The following RNF146 variants were observed in gnomAD, a reference collection of about 807,000 sequenced individuals.
RNF146 encodes the protein ring finger protein 146, also known as E3 ubiquitin-protein ligase RNF146.
Under a neutral mutation model 29.7 loss-of-function variants are expected in RNF146, and 11 were observed. The ratio of observed to expected loss-of-function variants is 0.37; its 90% confidence interval spans 0.23 to 0.61. The LOEUF is 0.61. RNF146 is among the 20% of genes least tolerant of loss of function. The pLI is 0.66. For synonymous variants in RNF146, 150 were observed against 159.7 expected, an observed-to-expected ratio of 0.94 and a Z score of 0.46; for missense variants, 342 against 438.9, an observed-to-expected ratio of 0.78 and a Z score of 1.97.
intron 1 of RNF146, among the ~76,000 whole-genome samples, chr6:127,279,964 A>G (rs1341800317): frequency 6.6e-6 from 1 of 151,714 alleles, no homozygotes; most frequent in East Asian, 1.9e-4. Flanking sequence ...TTTGTTTATT[A>G]GCTTTCTTGG....
At position 127,287,221 on chromosome 6, in the gene RNF146, G is replaced by T. The variant is rs1779634162; in HGVS notation, c.608G>T (p.Ser203Ile). The change falls in exon 3 of 3, where the codon AGT (serine) becomes ATT (isoleucine). Residue 203 changes from serine to isoleucine, a missense_variant. This residue lies in a region of RNF146 where 196 missense variants were observed against 208.9 expected (regional missense o/e 0.94). Transcript: ENST00000368314. ...GAGAGCTCTGCTGACGGAGCGGACA[G>T]TGTATCAGCACAGAGTGGAGCTTCT... Reference protein sequence around the residue: ...ARESSADGADSVSAQSGASVQ... With the variant: ...ARESSADGADIVSAQSGASVQ... 6.2e-7 allele frequency: 1 copy of T among 1,613,316 alleles called. No individual in the cohort carries two copies. The highest frequency in any genetic ancestry group is 1.7e-5 in the Admixed American group (1 of 59,862).
chr6:127,277,643 A>G (rs1778402933), intron 1 of RNF146, among the ~76,000 whole-genome samples: 1 of 152,042 alleles, frequency 6.6e-6, no homozygotes, highest in Non-Finnish European at 1.5e-5. Context: ...GTACAGGAGA[A>G]AGATGTAGGC....
chr6:127,275,589 A>G (rs1778092326), intron 1 of RNF146, among the ~76,000 whole-genome samples: 1 of 152,150 alleles, frequency 6.6e-6, no homozygotes, highest in Non-Finnish European at 1.5e-5. Flanking sequence ...ATTTCACAGA[A>G]GAGTCAGACT....
At chr6:127,269,244 G>T (rs1485923786) in intron 1 of RNF146, among the ~76,000 whole-genome samples, 1 of 152,182 alleles carries the variant, frequency 6.6e-6, no homozygotes, top group Non-Finnish European at 1.5e-5. Flanking sequence ...TTAACGGACT[G>T]CTAATTAAAG....
At chr6:127,285,386 G>A (rs747147600) in intron 2 of RNF146, 86 of 970,554 alleles carry the variant, frequency 8.9e-5, no homozygotes, top group Admixed American at 6.2e-4. Context: ...TGTAACTACT[G>A]ACCCATTTAG....
In RNF146 at chr6:127,286,428, G is replaced by A; in HGVS notation, c.3-188G>A. On this transcript the variant is annotated intron_variant, in intron 2 of 2. Transcript: ENST00000368314. This position sits in a 1 kb window ranked among gnomAD's most constrained non-coding sequence, Gnocchi z 4.6. ...TTATACATTCCCAAGGTATGTACAA[G>A]TAGATGCTTACAAAAAATTTTCATC... The A allele has an allele frequency of 1.4e-6, 1 of 699,228 alleles. No individual in the cohort carries two copies. The highest frequency in any genetic ancestry group is 2.3e-6 in the Non-Finnish European group (1 of 435,248). 43.3% of individuals were successfully genotyped at this position (699,228 alleles called of 1,614,324 possible).
At chr6:127,272,007 A>G (rs1055898669) in intron 1 of RNF146, among the ~76,000 whole-genome samples, 3 of 152,170 alleles carry the variant, frequency 2.0e-5, no homozygotes, top group African/African-American at 7.2e-5. Context: ...GGCTTGCATC[A>G]TATTTCTATT....
chr6:127,286,903 C>G lies in RNF146; in HGVS notation c.290C>G (p.Ala97Gly). 3.1e-6 allele frequency: 5 copies of G among 1,613,114 alleles called. No individual in the cohort carries two copies. Among genetic ancestry groups the G allele is most frequent in the Non-Finnish European group, 4.2e-6 (5 of 1,179,552 alleles). ...TLLSPEELKA[A>G]SRGNGEYAWY... ...TTGTCACCAGAAGAACTCAAGGCAG[C>G]AAGTAGAGGAAATGGTGAATATGCA... Residue 97 changes from alanine (A) to glycine (G), a missense_variant, in exon 3 of 3, where the codon GCA (alanine) becomes GGA (glycine). Transcript: ENST00000368314. The surrounding 1 kb of genome is among the most constrained non-coding windows in gnomAD (Gnocchi z 4.6).
Position 127,269,188 on chromosome 6 carries a change from T to A in RNF146, c.-109+2263T>A, listed in dbSNP as rs1347110606. ...TGCTTACTTACGGACTATCTTTAGT[T>A]TTCATGGCGTGTTACCTTTTGGGTT... On this transcript the variant is annotated intron_variant, in intron 1 of 2. Coordinates refer to ENST00000368314, the MANE Select transcript of RNF146 (RefSeq NM_001242850.2). Among the ~76,000 whole-genome samples the A allele has an allele frequency of 2.0e-5, 3 of 152,214 alleles. No individual in the cohort carries two copies. The East Asian group carries it at 5.8e-4, about 29-fold the overall frequency.
rs1247973176 is a variant in RNF146 at position 127,287,097 on chromosome 6, C to T, written c.484C>T (p.Arg162Cys). ...TCAATATAGGAGAAATGAACATGGA[C>T]GTCGCAGGAAGATTAAGCGAGATAT... The part of the protein sequence containing the change: ...MVQYRRNEHG[R>C]RRKIKRDIID... Residue 162 changes from arginine to cysteine, a missense_variant, in exon 3 of 3, where the codon CGT becomes TGT. Around this residue, in one of 6 missense-constraint regions of RNF146, gnomAD observed 28 missense variants for 40.7 expected, o/e 0.69. Transcript: ENST00000368314. 1.2e-5 allele frequency: 20 copies of T among 1,613,038 alleles called. No homozygotes were observed. Among genetic ancestry groups the T allele is most frequent in the African/African-American group, 4.0e-5 (3 of 74,796 alleles).
At chr6:127,274,172 A>G (rs1777876108) in intron 1 of RNF146, among the ~76,000 whole-genome samples, 1 of 151,506 alleles carries the variant, frequency 6.6e-6, no homozygotes, top group African/African-American at 2.4e-5. Context: ...AATTAACCAG[A>G]TTTTTTTTTA....
chr6:127,273,288 A>G (rs1248057247), intron 1 of RNF146, among the ~76,000 whole-genome samples: 1 of 152,210 alleles, frequency 6.6e-6, no homozygotes, highest in African/African-American at 2.4e-5. Context: ...TATGTACTAC[A>G]ATTAATTTTA....
At chr6:127,269,574 C>G (rs558718833) in intron 1 of RNF146, among the ~76,000 whole-genome samples, 1 of 152,140 alleles carries the variant, frequency 6.6e-6, no homozygotes, top group Non-Finnish European at 1.5e-5. Context: ...GGAAATAATT[C>G]TTTAAAGTAT....
At chr6:127,271,814 C>T (rs1380646238) in intron 1 of RNF146, among the ~76,000 whole-genome samples, 1 of 151,984 alleles carries the variant, frequency 6.6e-6, no homozygotes, top group Non-Finnish European at 1.5e-5. Flanking sequence ...CTGTTTCTTT[C>T]TATTATTATT....
At chr6:127,267,324 C>T (rs1205789661) in intron 1 of RNF146, among the ~76,000 whole-genome samples, 1 of 152,186 alleles carries the variant, frequency 6.6e-6, no homozygotes, top group African/African-American at 2.4e-5. Context: ...ACTGCGCAGC[C>T]TCTTCCGCCT....
At chr6:127,272,806 C>G (rs1052251899) in intron 1 of RNF146, among the ~76,000 whole-genome samples, 1 of 152,198 alleles carries the variant, frequency 6.6e-6, no homozygotes, top group Non-Finnish European at 1.5e-5. Flanking sequence ...TAAGTTTTGA[C>G]TTCCCCAAAA....
At chr6:127,281,684 C>G (rs1185728754) in intron 2 of RNF146, among the ~76,000 whole-genome samples, 1 of 151,528 alleles carries the variant, frequency 6.6e-6, no homozygotes, top group Non-Finnish European at 1.5e-5. Flanking sequence ...AAAATAAGTG[C>G]AGGGAGTGAA....
Position 127,278,718 on chromosome 6 carries a change from A to G in RNF146, c.-108-1513A>G, listed in dbSNP as rs565380872. Among the ~76,000 whole-genome samples the G allele has an allele frequency of 4.5e-4, 68 of 152,088 alleles. 1 individual carries two copies. In the South Asian group the frequency reaches 0.014, roughly 31 times the overall value. On this transcript the variant is annotated intron_variant, in intron 1 of 2. Transcript: ENST00000368314. ...CATTGCTGTGTTAGCTTTTTGAGGAAGCAACAAATTATTATTCACAGCAGC... is the reference window on the plus strand; with the variant it reads ...CATTGCTGTGTTAGCTTTTTGAGGAGGCAACAAATTATTATTCACAGCAGC...
Position 127,286,016 on chromosome 6 carries a change from A to G in RNF146, c.3-600A>G. ...GTCAGTGTTTAAGCTAGATACATCCAATTTGACAAATCTTTTTTCTTCTTC... is the reference window on the plus strand; with the variant it reads ...GTCAGTGTTTAAGCTAGATACATCCGATTTGACAAATCTTTTTTCTTCTTC... On this transcript the variant is annotated intron_variant, in intron 2 of 2. Coordinates refer to ENST00000368314, the MANE Select transcript of RNF146 (RefSeq NM_001242850.2). This position sits in a 1 kb window ranked among gnomAD's most constrained non-coding sequence, Gnocchi z 4.6. The G allele has an allele frequency of 8.2e-7, 1 of 1,223,960 alleles. No homozygotes were observed. The highest frequency in any genetic ancestry group is 1.0e-6 in the Non-Finnish European group (1 of 981,906). The allele number at this position is 1,223,960 out of a possible 1,614,324, so 75.8% of individuals were successfully genotyped here. A position where few individuals can be genotyped will look rare whatever the true frequency, so the allele number is the denominator to read the frequency against.
Sources: allele counts gnomAD v4.1 joint callset (sites outside exome capture counted in the v4.1 genomes callset), GRCh38; gene constraint gnomAD v4.1.1; regional missense constraint gnomAD v4.1.1; non-coding constraint Gnocchi (gnomAD v3.1); transcripts MANE v1.5; gene names NCBI Gene and HGNC (gene_info 2026-07-23, HGNC 2026-07-21).